Variants in ADAM17 observed in about 807,000 individuals in gnomAD.
The protein encoded by ADAM17 is disintegrin and metalloproteinase domain-containing protein 17.
In ADAM17, 39 loss-of-function variants were observed where a neutral mutation model predicts 96.7. That is an observed-to-expected ratio of 0.40 (90% CI 0.31 to 0.53). The LOEUF (loss-of-function observed/expected upper bound fraction) is 0.53. Ranked by LOEUF, ADAM17 falls within the 20% of genes least tolerant of loss-of-function variation. The probability of loss-of-function intolerance (pLI) is 0.44; values close to 1 mark genes in which losing one functional copy is unlikely to be tolerated. For missense variants in ADAM17, 777 were observed against 1,013.2 expected (o/e 0.77, Z 3.17); for synonymous variants, 344 against 359.2 (o/e 0.96, Z 0.48).
Position 9,490,094 on chromosome 2 carries a change from AC to A in ADAM17, c.*82del. The A allele has an allele frequency of 7.6e-7, 1 of 1,314,546 alleles. No homozygotes were observed. The highest frequency in any genetic ancestry group is 1.0e-6 in the Non-Finnish European group (1 of 970,228). The allele number at this position is 1,314,546 out of a possible 1,614,324, so 81.4% of individuals were successfully genotyped here. A position where few individuals can be genotyped will look rare whatever the true frequency, so the allele number is the denominator to read the frequency against. On this transcript the variant is annotated 3_prime_UTR_variant, in exon 19 of 19. Coordinates refer to ENST00000310823, the MANE Select transcript of ADAM17 (RefSeq NM_003183.6). ...TCTGCTAAGTCACTTCCCAGTCTTC[AC>A]AAAATACAAGCTGTGATTGATTTGT... is the stretch of plus-strand genomic sequence containing the variant.
intron 10 of ADAM17, among the ~76,000 whole-genome samples, chr2:9,513,754 G>A (rs770570817): frequency 5.3e-5 from 8 of 152,018 alleles, no homozygotes; most frequent in East Asian, 1.9e-4. Context: ...GGCCAAGCAC[G>A]GTGGCTCACG....
rs902493889 is a variant in ADAM17, at chr2:9,555,815, G to C, written c.-210C>G. On this transcript the variant is annotated 5_prime_UTR_variant, in exon 1 of 19. Transcript: ENST00000310823. Reference sequence around the variant, plus strand: ...GCGTTACCAAAGGCCGGCTCAGCCAGCTTCCGGCCGCCGCTGTCCCCCGCA... The same window carrying C: ...GCGTTACCAAAGGCCGGCTCAGCCACCTTCCGGCCGCCGCTGTCCCCCGCA... The C allele has an allele frequency of 2.3e-6, 1 of 433,498 alleles. No homozygotes were observed. The highest frequency in any genetic ancestry group is 5.8e-5 in the South Asian group (1 of 17,354). 26.9% of individuals were successfully genotyped at this position (433,498 alleles called of 1,614,324 possible).
At chr2:9,506,813 G>A (rs180938226) in intron 11 of ADAM17, 5 of 152,232 alleles carry the variant, frequency 3.3e-5, no homozygotes, top group Non-Finnish European at 5.9e-5. Flanking sequence ...AATTCACAGT[G>A]AACAGATAAG....
Position 9,489,286 on chromosome 2 carries a change from G to A in ADAM17, c.*891C>T, listed in dbSNP as rs1288775317. 12 of 109,558 alleles carry A rather than the reference G, an allele frequency of 1.1e-4. No individual in the cohort carries two copies. The East Asian group carries it at 2.2e-3, about 20-fold the overall frequency. The allele number at this position is 109,558 out of a possible 1,614,324, so 6.8% of individuals were successfully genotyped here. A position where few individuals can be genotyped will look rare whatever the true frequency, so the allele number is the denominator to read the frequency against. ...TTTTTTTTTTTTTTTTTTTTTTTGA[G>A]GCAGAGTCTCACTCTGTCACCCAGG... On this transcript the variant is annotated 3_prime_UTR_variant, in exon 19 of 19. Transcript: ENST00000310823.
chr2:9,490,434 G>T lies in ADAM17; in HGVS notation c.2218C>A (p.Gln740Lys), dbSNP rs765817788. ...FPAPQTPGRL[Q>K]PAPVIPSAPA... ...GCCGAAGGGATCACAGGGGCAGGCT[G>T]CAGGCGGCCTGGAGTCTGGGGCGCA... Residue 740 changes from glutamine to lysine, a missense_variant, in exon 19 of 19, where the codon CAG becomes AAG. Physicochemically the swap from Gln to Lys is moderately conservative, Grantham distance 53. This residue lies in a region of ADAM17 where 197 missense variants were observed against 219.4 expected (regional missense o/e 0.90). Coordinates refer to ENST00000310823, the MANE Select transcript of ADAM17 (RefSeq NM_003183.6). The T allele has an allele frequency of 1.1e-5, 17 of 1,614,228 alleles. No individual in the cohort carries two copies. The highest frequency in any genetic ancestry group is 1.7e-5 in the Admixed American group (1 of 60,032).
At chr2:9,492,566 G>A (rs933223342) in intron 17 of ADAM17, among the ~76,000 whole-genome samples, 4 of 152,154 alleles carry the variant, frequency 2.6e-5, no homozygotes, top group Non-Finnish European at 4.4e-5. Context: ...CTATTGCAAC[G>A]AAGTCAGCCT....
Position 9,505,179 on chromosome 2 carries a change from C to G in ADAM17, c.1531G>C (p.Gly511Arg), listed in dbSNP as rs554069834. The change falls in exon 12 of 19, where the codon GGT (glycine) becomes CGT (arginine). Residue 511 changes from glycine (G) to arginine (R), a missense_variant. Physicochemically the swap from Gly to Arg is moderately radical, Grantham distance 125. Coordinates refer to ENST00000310823, the MANE Select transcript of ADAM17 (RefSeq NM_003183.6). ...CCNSDCTLKE[G>R]VQCSDRNSPC... ...GAGACTCCTCACCTGCACTGGACAC[C>G]TTCCTTCAACGTGCAGTCGCTGTTG... The G allele has an allele frequency of 2.5e-6, 4 of 1,614,104 alleles. No homozygotes were observed. In the South Asian group the frequency reaches 3.3e-5, roughly 13 times the overall value.
At chr2:9,536,920 T>C (rs140088131) in intron 2 of ADAM17, 92 bp from the exon 3 acceptor site, 141 of 1,410,950 alleles carry the variant, frequency 1.0e-4, no homozygotes, top group South Asian at 1.4e-4. Flanking sequence ...GCCAGAAGCA[T>C]TGACATTAAT....
chr2:9,508,140 T>A (rs980267972), intron 11 of ADAM17, among the ~76,000 whole-genome samples: 1 of 152,170 alleles, frequency 6.6e-6, no homozygotes, highest in Non-Finnish European at 1.5e-5. Flanking sequence ...ACTATCCTCA[T>A]AACCAAGAAG....
rs558088938 is a variant in ADAM17, at chr2:9,549,039, C to T, written c.98-5754G>A. ...CATATTTTCTTCATTAAGCCCAGAG[C>T]TGACATTTTTAAGCTAAAACTAATC... On this transcript the variant is annotated intron_variant, in intron 1 of 18. Transcript: ENST00000310823. Among the ~76,000 whole-genome samples the T allele has an allele frequency of 1.2e-3, 187 of 152,288 alleles. 1 individual carries two copies. In the Middle Eastern group the frequency reaches 0.014, roughly 11 times the overall value.
chr2:9,518,364 T>C (rs1664162265), intron 8 of ADAM17, 117 bp from the exon 9 acceptor site: 1 of 1,250,320 alleles, frequency 8.0e-7, no homozygotes, highest in African/African-American at 1.5e-5. Flanking sequence ...TATGATGGCA[T>C]GCAGCTCAGC....
chr2:9,498,879 G>T (rs1191738948), intron 13 of ADAM17, among the ~76,000 whole-genome samples: 1 of 152,154 alleles, frequency 6.6e-6, no homozygotes, highest in Non-Finnish European at 1.5e-5. Context: ...TATTAGACAG[G>T]TAGGAAAATA....
intron 3 of ADAM17, 37 bp downstream of exon 3, chr2:9,536,661 C>A: frequency 6.2e-7 from 1 of 1,611,454 alleles, no homozygotes; most frequent in Non-Finnish European, 8.5e-7. Flanking sequence ...ACCTAATACA[C>A]CAGACACAGG....
At position 9,554,731 on chromosome 2, in the gene ADAM17, T is replaced by C. The variant is rs1665689075; in HGVS notation, c.97+778A>G. Among the ~76,000 whole-genome samples, 3 of 152,230 alleles carry C rather than the reference T, an allele frequency of 2.0e-5. No individual in the cohort carries two copies. In the South Asian group the frequency reaches 6.2e-4, roughly 32 times the overall value. Reference sequence around the variant, plus strand: ...TACTTCCACCAAAGTTCAGATCCCTTAATGCATCTCCATCCTTAAAATCCA... The same window carrying C: ...TACTTCCACCAAAGTTCAGATCCCTCAATGCATCTCCATCCTTAAAATCCA... On this transcript the variant is annotated intron_variant, in intron 1 of 18. Transcript: ENST00000310823.
In ADAM17 at chr2:9,535,919, T is replaced by C; in HGVS notation, c.365A>G (p.Glu122Gly). 1 of 1,558,268 alleles carries C rather than the reference T, an allele frequency of 6.4e-7. No individual in the cohort carries two copies. ...GTGGGCTAGAACCCTAGAGTCAGGC[T>C]CACCTTAAGAGAAAAAAAAAATTAT... ...QDFFTGHVVG[E>G]PDSRVLAHIR... Residue 122 changes from glutamate (E) to glycine (G), a missense_variant, in exon 4 of 19, where the codon GAG (glutamate) becomes GGG (glycine). Physicochemically the swap from Glu to Gly is moderately conservative, Grantham distance 98 (BLOSUM62 -2). Around this residue, in one of 3 missense-constraint regions of ADAM17, gnomAD observed 446 missense variants for 664.7 expected, o/e 0.67. Coordinates refer to ENST00000310823, the MANE Select transcript of ADAM17 (RefSeq NM_003183.6).
chr2:9,528,044 T>C (rs1664597171), intron 4 of ADAM17, 90 bp from the exon 5 acceptor site: 3 of 893,280 alleles, frequency 3.4e-6, no homozygotes, highest in Non-Finnish European at 3.1e-6. Flanking sequence ...TGTTCTTAGA[T>C]AACATTCATT....
intron 11 of ADAM17, among the ~76,000 whole-genome samples, chr2:9,507,693 C>T (rs1315819330): frequency 6.6e-6 from 1 of 151,838 alleles, no homozygotes; most frequent in Non-Finnish European, 1.5e-5. Flanking sequence ...TCTTCCCAGG[C>T]CCCATTCTCA....
chr2:9,555,292 G>A (rs1186638088), intron 1 of ADAM17, among the ~76,000 whole-genome samples: 2 of 152,112 alleles, frequency 1.3e-5, no homozygotes, highest in Admixed American at 1.3e-4. Context: ...ACTACATGGA[G>A]CCCGTCCAGT....
chr2:9,542,527 A>G (rs1416673730), intron 2 of ADAM17, among the ~76,000 whole-genome samples: 2 of 152,214 alleles, frequency 1.3e-5, no homozygotes, highest in African/African-American at 4.8e-5. Flanking sequence ...TATAAAGATA[A>G]TATTTAGCAC....
Sources: gnomAD v4.1 joint callset for allele counts (sites outside exome capture counted in the v4.1 genomes callset) on GRCh38, gnomAD v4.1.1 for gene constraint, gnomAD v4.1.1 regional missense constraint, MANE v1.5 for transcripts, NCBI Gene and HGNC (gene_info 2026-07-23, HGNC 2026-07-21) for gene names.